The following FAM193A variants were observed in gnomAD, a reference collection of about 807,000 sequenced individuals.
FAM193A encodes family with sequence similarity 193 member A.
A neutral mutation model predicts 126.5 loss-of-function variants in FAM193A; 22 were observed. That is an observed-to-expected ratio of 0.17 (90% confidence interval 0.12 to 0.25). FAM193A has a LOEUF of 0.25. Ranked by LOEUF, FAM193A falls within the 10% of genes least tolerant of loss-of-function variation. The pLI, the probability that FAM193A is intolerant of heterozygous loss-of-function variation, is 1.00. For synonymous variants in FAM193A, 761 were observed against 646.8 expected, an observed-to-expected ratio of 1.18 and a Z score of -2.68; for missense variants, 1,675 against 1,672.8, an observed-to-expected ratio of 1.00 and a Z score of -0.02.
At chr4:2,619,723 T>C (rs934379851) in intron 2 of FAM193A, among the ~76,000 whole-genome samples, 3 of 152,122 alleles carry the variant, frequency 2.0e-5, no homozygotes, top group African/African-American at 7.2e-5. Context: ...TCTCTCTCTG[T>C]CACCCAGGCT....
intron 1 of FAM193A, among the ~76,000 whole-genome samples, chr4:2,557,452 G>C (rs756899371): frequency 6.6e-6 from 1 of 152,158 alleles, no homozygotes; most frequent in Non-Finnish European, 1.5e-5. Context: ...AGATTATTTG[G>C]ATTTTTAAAA....
In FAM193A at chr4:2,700,253, A is replaced by T. The variant is rs773082073; in HGVS notation, c.4081A>T (p.Thr1361Ser). The T allele has an allele frequency of 1.2e-5, 19 of 1,614,084 alleles. No homozygotes were observed. The highest frequency in any genetic ancestry group is 1.5e-5 in the Non-Finnish European group (18 of 1,180,022). Residue 1361 changes from threonine (T) to serine (S), a missense_variant, in exon 19 of 21, where the codon ACA becomes TCA. Physicochemically the swap from Thr to Ser is moderately conservative, Grantham distance 58 (BLOSUM62 1). This residue lies in a region of FAM193A where 415 missense variants were observed against 396.7 expected (regional missense o/e 1.05). Coordinates refer to ENST00000637812, the MANE Select transcript of FAM193A (RefSeq NM_001366318.2). ...GAGGCCCACAGAGCCCCCCAAGGCC[A>T]CAGAGGGGCAGTCCAAGCCCCGGGC... ...ARRPTEPPKA[T>S]EGQSKPRAQT...
intron 5 of FAM193A, 128 bp downstream of exon 5, chr4:2,631,297 T>C (rs2108999539): frequency 1.3e-6 from 1 of 781,480 alleles, no homozygotes; most frequent in East Asian, 2.7e-5. Context: ...TAGGCCCCTC[T>C]TCTCTACGGG....
chr4:2,702,730 C>T (rs1238877494), intron 19 of FAM193A, among the ~76,000 whole-genome samples: 1 of 152,214 alleles, frequency 6.6e-6, no homozygotes, highest in Non-Finnish European at 1.5e-5. Flanking sequence ...CTGAGTCCTA[C>T]AACACAGGTA....
intron 13 of FAM193A, 107 bp downstream of exon 13, chr4:2,672,479 A>T (rs1713933529): frequency 8.1e-7 from 1 of 1,232,678 alleles, no homozygotes; most frequent in Non-Finnish European, 1.1e-6. Context: ...ATAGGATAGC[A>T]TCTGCTCTGG....
chr4:2,664,558 CTTT>C (rs33958851), intron 12 of FAM193A, among the ~76,000 whole-genome samples: 53 of 73,090 alleles, frequency 7.3e-4, no homozygotes, highest in African/African-American at 2.8e-3. Flanking sequence ...TATTTTCTTT[CTTT>C]TTTTTTTTTT....
At chr4:2,544,512 C>T (rs1188499801) in intron 1 of FAM193A, among the ~76,000 whole-genome samples, 2 of 152,026 alleles carry the variant, frequency 1.3e-5, no homozygotes, top group Admixed American at 1.3e-4. Context: ...CCCAGCCTGG[C>T]CAACATGGTA....
At chr4:2,555,374 G>C (rs1403684996) in intron 1 of FAM193A, among the ~76,000 whole-genome samples, 1 of 152,182 alleles carries the variant, frequency 6.6e-6, no homozygotes, top group Non-Finnish European at 1.5e-5. Context: ...AATAATTTGG[G>C]AGGCTAGAGG....
At chr4:2,590,904 G>A (rs1017999261) in intron 1 of FAM193A, among the ~76,000 whole-genome samples, 4 of 151,894 alleles carry the variant, frequency 2.6e-5, no homozygotes, top group Non-Finnish European at 4.4e-5. Flanking sequence ...GCGCGCGCCT[G>A]TAATCCCAGC....
In FAM193A at chr4:2,538,085, G is replaced by A. The variant is rs542591397; in HGVS notation, c.255+915G>A. ...GAATAGATTTTTTTTGAAAAGTTGC[G>A]TTCTTATAATGTTATTTAAACTCTT... is the stretch of plus-strand genomic sequence containing the variant. On this transcript the variant is annotated intron_variant, in intron 1 of 20. Transcript: ENST00000637812. 4.2e-4 allele frequency among the ~76,000 whole-genome samples: 64 copies of A among 151,976 alleles called. No homozygotes were observed. The South Asian group carries it at 1.0e-2, about 24-fold the overall frequency.
At chr4:2,634,358 C>T (rs1026612741) in intron 5 of FAM193A, among the ~76,000 whole-genome samples, 2 of 152,164 alleles carry the variant, frequency 1.3e-5, no homozygotes, top group African/African-American at 2.4e-5. Flanking sequence ...CTCTGGAAAC[C>T]TTCAATCTGA....
chr4:2,560,946 C>T (rs1159551268), intron 1 of FAM193A, among the ~76,000 whole-genome samples: 1 of 152,186 alleles, frequency 6.6e-6, no homozygotes, highest in Admixed American at 6.6e-5. Flanking sequence ...AGCTGCTGCA[C>T]CTGGCTCCCT....
intron 1 of FAM193A, among the ~76,000 whole-genome samples, chr4:2,595,754 C>T (rs34887362): frequency 0.17 from 25,659 of 152,120 alleles, 3,839 homozygotes; most frequent in African/African-American, 0.41. Context: ...TTTCAGACTT[C>T]GTTGGTGGTA....
At chr4:2,616,395 T>G (rs1742187576) in intron 2 of FAM193A, among the ~76,000 whole-genome samples, 1 of 152,266 alleles carries the variant, frequency 6.6e-6, no homozygotes. Flanking sequence ...GCTTAGGAGC[T>G]CTTGCCTTTT....
At chr4:2,723,709 C>T (rs753779612) in intron 20 of FAM193A, among the ~76,000 whole-genome samples, 18 of 152,196 alleles carry the variant, frequency 1.2e-4, no homozygotes, top group Non-Finnish European at 2.4e-4. Flanking sequence ...ATTCATTTAA[C>T]CAAACTAATA....
intron 19 of FAM193A, among the ~76,000 whole-genome samples, chr4:2,712,211 C>A (rs1479873569): frequency 6.6e-6 from 1 of 151,874 alleles, no homozygotes; most frequent in Non-Finnish European, 1.5e-5. Flanking sequence ...TATATATGTA[C>A]GTATGTATTT....
At chr4:2,609,358 G>A (rs1161680541) in intron 2 of FAM193A, among the ~76,000 whole-genome samples, 1 of 152,006 alleles carries the variant, frequency 6.6e-6, no homozygotes, top group Non-Finnish European at 1.5e-5. Context: ...TGGGGTAATT[G>A]TTTTTTCTTT....
rs1235660710 is a variant in FAM193A at position 2,631,031 on chromosome 4, G to T, written c.900G>T (p.Leu300=). Residue 300 remains leucine (L), a synonymous_variant, in exon 5 of 21, where the codon CTG becomes CTT. Coordinates refer to ENST00000637812, the MANE Select transcript of FAM193A (RefSeq NM_001366318.2). ...LEMKVRLLRQ[L]SAAAKVKAPS... Reference sequence around the variant, plus strand: ...TGAAGGTCCGCCTGCTCCGGCAGCTGTCGGCTGCGGCCAAGGTGAAGGCAC... The same window carrying T: ...TGAAGGTCCGCCTGCTCCGGCAGCTTTCGGCTGCGGCCAAGGTGAAGGCAC... The T allele has an allele frequency of 6.2e-7, 1 of 1,613,594 alleles. No homozygotes were observed. The highest frequency in any genetic ancestry group is 1.7e-5 in the Admixed American group (1 of 60,028).
At chr4:2,544,441 A>G (rs918431206) in intron 1 of FAM193A, among the ~76,000 whole-genome samples, 3 of 152,034 alleles carry the variant, frequency 2.0e-5, no homozygotes, top group Non-Finnish European at 4.4e-5. Context: ...TGTGGCTCAC[A>G]CCTGTAATCC....
Sources: allele counts gnomAD v4.1 joint callset (sites outside exome capture counted in the v4.1 genomes callset), GRCh38; gene constraint gnomAD v4.1.1; regional missense constraint gnomAD v4.1.1; transcripts MANE v1.5; gene names NCBI Gene and HGNC (gene_info 2026-07-23, HGNC 2026-07-21).